REM2: variants seen among roughly 807,000 people sequenced by gnomAD.
REM2 encodes the protein RRAD and GEM like GTPase 2.
A neutral mutation model predicts 24.4 loss-of-function variants in REM2; 24 were observed. The observed-to-expected ratio is 0.98, with a 90% CI of 0.71 to 1.38. The LOEUF is 1.38. REM2 is among the 40% of genes most tolerant of loss of function. The pLI, the probability that REM2 is intolerant of heterozygous loss-of-function variation, is 0.00. For missense variants in REM2, 429 were observed against 467.8 expected, an observed-to-expected ratio of 0.92 and a Z score of 0.77; for synonymous variants, 187 against 198.0, an observed-to-expected ratio of 0.94 and a Z score of 0.47.
Position 22,884,815 on chromosome 14 carries a change from C to CT in REM2, c.246dup (p.Val83CysfsTer3). 6.2e-7 allele frequency: 1 copy of CT among 1,614,044 alleles called. No individual in the cohort carries two copies. Among genetic ancestry groups the CT allele is most frequent in the Non-Finnish European group, 8.5e-7 (1 of 1,179,892 alleles). On this transcript the variant is annotated frameshift_variant, in exon 2 of 5. Coordinates refer to ENST00000267396, the MANE Select transcript of REM2 (RefSeq NM_173527.3). LOFTEE classifies it high-confidence loss of function. ...AAGCACCAGCTCCGGCGGGCCCAGG[C>CT]TGTAGATGAACTTGACTGGCCACCT...
rs1403193677 is a variant in REM2 at position 22,886,589 on chromosome 14, C to A, written c.728-25C>A. 3 of 1,444,548 alleles carry A rather than the reference C, an allele frequency of 2.1e-6. No homozygotes were observed. The highest frequency in any genetic ancestry group is 1.5e-5 in the South Asian group (1 of 67,424). The allele number at this position is 1,444,548 out of a possible 1,614,324, so 89.5% of individuals were successfully genotyped here. On this transcript the variant is annotated intron_variant, in intron 4 of 4. Transcript: ENST00000267396. The surrounding 1 kb of genome is among the most constrained non-coding windows in gnomAD (Gnocchi z 5.9). The stretch of plus-strand genomic sequence containing the variant: ...CCCGGGTCCCGTACAGCCCAGCGGG[C>A]GCCTGAGCCGGTGCCTTCCTGCAGA...
At chr14:22,884,303 C>G in intron 1 of REM2, 1 of 985,466 alleles carries the variant, frequency 1.0e-6, no homozygotes, top group South Asian at 4.7e-5. Context: ...AAAGAGGCAG[C>G]TTCCCCAAAC....
chr14:22,886,070 A>AC lies in REM2; in HGVS notation c.567dup (p.Ala190ArgfsTer188). 1 of 1,613,882 alleles carries AC rather than the reference A, an allele frequency of 6.2e-7. No homozygotes were observed. The highest frequency in any genetic ancestry group is 1.1e-5 in the South Asian group (1 of 91,082). ...CGGGACCACTGCCTTCAGACCGGGG[A>AC]CGCCTTTCTCATCGTCTTCTCAGTC... On this transcript the variant is annotated frameshift_variant, in exon 4 of 5. Coordinates refer to ENST00000267396, the MANE Select transcript of REM2 (RefSeq NM_173527.3). LOFTEE classifies it high-confidence loss of function. This position sits in a 1 kb window ranked among gnomAD's most constrained non-coding sequence, Gnocchi z 5.9.
At chr14:22,885,368 G>A (rs1316168147) in intron 3 of REM2, 29 bp downstream of exon 3, 2 of 1,575,328 alleles carry the variant, frequency 1.3e-6, no homozygotes, top group East Asian at 2.2e-5. Flanking sequence ...CTGCAGGCAG[G>A]TGATGAAGCT....
At position 22,884,977 on chromosome 14, in the gene REM2, G is replaced by A; in HGVS notation, c.407G>A (p.Gly136Asp). The A allele has an allele frequency of 6.4e-7, 1 of 1,562,198 alleles. No homozygotes were observed. The highest frequency in any genetic ancestry group is 8.7e-7 in the Non-Finnish European group (1 of 1,151,736). ...AGCACCCTAGCAGGCACTTTTGGTGGTCTCCAGGGAGACAGTGCTCACGAA... is the reference window on the plus strand; with the variant it reads ...AGCACCCTAGCAGGCACTTTTGGTGATCTCCAGGGAGACAGTGCTCACGAA... Reference protein sequence around the residue: ...GKSTLAGTFGGLQGDSAHEPE... With the variant: ...GKSTLAGTFGDLQGDSAHEPE... Residue 136 changes from glycine (G) to aspartate (D), a missense_variant, in exon 2 of 5, where the codon GGT (glycine) becomes GAT (aspartate). Gly to Asp is a moderately conservative substitution (Grantham distance 94, BLOSUM62 -1). Transcript: ENST00000267396.
Position 22,886,946 on chromosome 14 carries a change from A to C in REM2, c.*37A>C. 7.5e-7 allele frequency: 1 copy of C among 1,328,128 alleles called. No homozygotes were observed. Among genetic ancestry groups the C allele is most frequent in the South Asian group, 1.9e-5 (1 of 53,000 alleles). The allele number at this position is 1,328,128 out of a possible 1,614,324, so 82.3% of individuals were successfully genotyped here. The stretch of plus-strand genomic sequence containing the variant: ...CATGGCCACTGCGGTCGCCATGGTC[A>C]CCGCGCCCTCCGCTCGCCCCCCCTC... On this transcript the variant is annotated 3_prime_UTR_variant, in exon 5 of 5. Coordinates refer to ENST00000267396, the MANE Select transcript of REM2 (RefSeq NM_173527.3). This position sits in a 1 kb window ranked among gnomAD's most constrained non-coding sequence, Gnocchi z 5.9.
At position 22,885,115 on chromosome 14, in the gene REM2, C is replaced by T. The variant is rs2040111005; in HGVS notation, c.445+100C>T. ...GCAGCCCCTGAAGGACAGAGCTTAA[C>T]AGAAGCTTTTCCAATGCTTTCTGTG... On this transcript the variant is annotated intron_variant, in intron 2 of 4. Transcript: ENST00000267396. 18 of 1,412,448 alleles carry T rather than the reference C, an allele frequency of 1.3e-5. No homozygotes were observed. The South Asian group carries it at 2.5e-4, about 19-fold the overall frequency. The allele number at this position is 1,412,448 out of a possible 1,614,324, so 87.5% of individuals were successfully genotyped here.
rs370800654 is a variant in REM2, at chr14:22,883,353, C to A, written c.66C>A (p.Gly22=). The A allele has an allele frequency of 6.4e-6, 10 of 1,558,194 alleles. No homozygotes were observed. The African/African-American group carries it at 1.4e-4, about 21-fold the overall frequency. Residue 22 remains glycine, a synonymous_variant, in exon 1 of 5, where the codon GGC becomes GGA. Transcript: ENST00000267396. Reference sequence around the variant, plus strand: ...AAACCACAGCACTCTGCCCCTCTGGCAGCCGCCGGGCCTCCCCTCCAGGGA... The same window carrying A: ...AAACCACAGCACTCTGCCCCTCTGGAAGCCGCCGGGCCTCCCCTCCAGGGA... ...DTETTALCPS[G]SRRASPPGTP... is the part of the protein sequence containing the mutation.
At chr14:22,884,268 G>A (rs1304368055) in intron 1 of REM2, 33 of 985,328 alleles carry the variant, frequency 3.3e-5, no homozygotes, top group Non-Finnish European at 3.7e-5. Context: ...CTGGAAACAG[G>A]AGGAGGAAGG....
At chr14:22,883,986 C>A (rs1231999872) in intron 1 of REM2, 8 of 980,630 alleles carry the variant, frequency 8.2e-6, no homozygotes, top group Middle Eastern at 1.1e-3. Context: ...CTCACAGGGA[C>A]AGACAGGGAT....
Position 22,884,734 on chromosome 14 carries a change from G to A in REM2, c.164G>A (p.Gly55Glu). ...CTGTTGGCAGAGTTGGACCGGAGCGGGTTACCCTCTGCCCCTGGGGCCCCC... is the reference window on the plus strand; with the variant it reads ...CTGTTGGCAGAGTTGGACCGGAGCGAGTTACCCTCTGCCCCTGGGGCCCCC... Reference protein sequence around the residue: ...EKLLAELDRSGLPSAPGAPRR... With the variant: ...EKLLAELDRSELPSAPGAPRR... Residue 55 changes from glycine (G) to glutamate (E), a missense_variant, in exon 2 of 5, where the codon GGG becomes GAG. Transcript: ENST00000267396. The A allele has an allele frequency of 6.2e-7, 1 of 1,613,998 alleles. No homozygotes were observed. Among genetic ancestry groups the A allele is most frequent in the Non-Finnish European group, 8.5e-7 (1 of 1,179,878 alleles).
intron 3 of REM2, 74 bp from the exon 4 acceptor site, chr14:22,885,950 C>A: frequency 7.9e-7 from 1 of 1,273,758 alleles, no homozygotes; most frequent in Non-Finnish European, 1.1e-6. Context: ...AGCCCTGTTC[C>A]TCCTCTTTGA....
chr14:22,886,422 C>A lies in REM2; in HGVS notation c.727+191C>A, dbSNP rs551658561. 2 of 717,476 alleles carry A rather than the reference C, an allele frequency of 2.8e-6. No homozygotes were observed. The highest frequency in any genetic ancestry group is 3.6e-5 in the South Asian group (2 of 55,884). 44.4% of individuals were successfully genotyped at this position (717,476 alleles called of 1,614,324 possible). On this transcript the variant is annotated intron_variant, in intron 4 of 4. Transcript: ENST00000267396. The surrounding 1 kb of genome is among the most constrained non-coding windows in gnomAD (Gnocchi z 5.9). ...CCCTTCTTGTCACTTCCCCTCACCT[C>A]TCTCCTAGGCCTCCTTCTCCCTCTC... is the stretch of plus-strand genomic sequence containing the variant.
At position 22,886,332 on chromosome 14, in the gene REM2, C is replaced by A; in HGVS notation, c.727+101C>A. 9.0e-7 allele frequency: 1 copy of A among 1,110,788 alleles called. No individual in the cohort carries two copies. The highest frequency in any genetic ancestry group is 1.4e-5 in the South Asian group (1 of 72,350). 68.8% of individuals were successfully genotyped at this position (1,110,788 alleles called of 1,614,324 possible). On this transcript the variant is annotated intron_variant, in intron 4 of 4. Transcript: ENST00000267396. This position sits in a 1 kb window ranked among gnomAD's most constrained non-coding sequence, Gnocchi z 5.9. ...AGGCCTTTTTACCATCGCGGACGCA[C>A]TCACTTGCAATCAGACCCAGGCTAG...
intron 1 of REM2, among the ~76,000 whole-genome samples, chr14:22,883,934 C>G: frequency 6.6e-6 from 1 of 151,982 alleles, no homozygotes; most frequent in South Asian, 2.1e-4. Context: ...CTATCTCTCT[C>G]TCTCTACTTC....
intron 3 of REM2, 78 bp downstream of exon 3, chr14:22,885,417 G>T: frequency 9.3e-7 from 1 of 1,075,384 alleles, no homozygotes; most frequent in Admixed American, 1.7e-5. Context: ...CTGAAGGCTG[G>T]TGGGACTGCT....
intron 2 of REM2, 59 bp from the exon 3 acceptor site, chr14:22,885,207 C>G: frequency 1.3e-6 from 2 of 1,502,270 alleles, no homozygotes; most frequent in Non-Finnish European, 1.9e-6. Flanking sequence ...GTTACCAGGT[C>G]TCACAAATGT....
chr14:22,883,389 A>C lies in REM2; in HGVS notation c.102A>C (p.Pro34=), dbSNP rs1379712824. 2 of 1,552,488 alleles carry C rather than the reference A, an allele frequency of 1.3e-6. No homozygotes were observed. Among genetic ancestry groups the C allele is most frequent in the South Asian group, 2.4e-5 (2 of 84,112 alleles). Residue 34 remains proline (P), a splice_region_variant and synonymous_variant, in exon 1 of 5, where the codon CCA becomes CCC. Coordinates refer to ENST00000267396, the MANE Select transcript of REM2 (RefSeq NM_173527.3). ...RRASPPGTPT[P]EADATLLKKS... ...CCTCCCCTCCAGGGACGCCCACACC[A>C]GGTGAGGGCTAACCTGGGCAGGTTC...
chr14:22,883,552 G>A (rs963519270), intron 1 of REM2, among the ~76,000 whole-genome samples, 162 bp downstream of exon 1: 1 of 152,124 alleles, frequency 6.6e-6, no homozygotes, highest in Non-Finnish European at 1.5e-5. Flanking sequence ...ACAAGGGATT[G>A]GGGCTGGGCT....
Sources: gnomAD v4.1 joint callset for allele counts (sites outside exome capture counted in the v4.1 genomes callset) on GRCh38, gnomAD v4.1.1 for gene constraint, Gnocchi (gnomAD v3.1) non-coding constraint, MANE v1.5 for transcripts, NCBI Gene and HGNC (gene_info 2026-07-23, HGNC 2026-07-21) for gene names.